Variants in TESC observed in about 807,000 individuals in gnomAD.
TESC encodes the protein tescalcin, also known as calcineurin B homologous protein 3.
A neutral mutation model predicts 31.0 loss-of-function variants in TESC; 19 were observed. The observed-to-expected ratio is 0.61, with a 90% CI of 0.43 to 0.90. TESC has a LOEUF of 0.90. TESC is among the 40% of genes least tolerant of loss of function. The pLI is 0.00. For missense variants in TESC, 248 were observed against 303.8 expected (o/e 0.82, Z 1.36); for synonymous variants, 109 against 114.8 (o/e 0.95, Z 0.32).
At chr12:117,039,778 A>T (rs569527680) in intron 7 of TESC, among the ~76,000 whole-genome samples, 7 of 152,360 alleles carry the variant, frequency 4.6e-5, no homozygotes, top group African/African-American at 1.7e-4. Context: ...ACTCAAGCCC[A>T]AAAAGGTCAT....
chr12:117,066,472 C>T (rs997998264), intron 2 of TESC, among the ~76,000 whole-genome samples: 26 of 151,118 alleles, frequency 1.7e-4, no homozygotes, highest in African/African-American at 2.4e-4. Flanking sequence ...CCCGGGTTCA[C>T]GCCATTCTCC....
intron 2 of TESC, among the ~76,000 whole-genome samples, chr12:117,069,568 G>C (rs149153375): frequency 5.3e-5 from 8 of 152,148 alleles, no homozygotes; most frequent in African/African-American, 1.7e-4. Context: ...ATCAGGTACC[G>C]GGCTGTGTAA....
chr12:117,059,653 C>T (rs1008168225), intron 2 of TESC, among the ~76,000 whole-genome samples: 1 of 152,186 alleles, frequency 6.6e-6, no homozygotes, highest in African/African-American at 2.4e-5. Context: ...GGGCCTGCTC[C>T]ATAGTGGATC....
intron 1 of TESC, among the ~76,000 whole-genome samples, chr12:117,085,973 G>A (rs1455160052): frequency 6.6e-6 from 1 of 152,166 alleles, no homozygotes; most frequent in African/African-American, 2.4e-5. Context: ...GTGATGAGAT[G>A]TTATAAAGCA....
intron 1 of TESC, among the ~76,000 whole-genome samples, chr12:117,080,197 G>A (rs1033420984): frequency 8.5e-5 from 13 of 152,124 alleles, no homozygotes; most frequent in East Asian, 3.9e-4. Context: ...GGCTGGGTGC[G>A]GTGGCTCACA....
chr12:117,056,780 G>C, intron 3 of TESC, 26 bp downstream of exon 3: 1 of 1,611,370 alleles, frequency 6.2e-7, no homozygotes, highest in Non-Finnish European at 8.5e-7. Context: ...GCCTGCCACT[G>C]GGCTGGTTCA....
chr12:117,039,265 A>C, intron 7 of TESC, 55 bp from the exon 8 acceptor site: 3 of 1,547,010 alleles, frequency 1.9e-6, no homozygotes, highest in Non-Finnish European at 2.6e-6. Flanking sequence ...CTCACACCTG[A>C]CCAGGCCCCC....
At chr12:117,078,389 C>A (rs1955101001) in intron 1 of TESC, among the ~76,000 whole-genome samples, 1 of 152,084 alleles carries the variant, frequency 6.6e-6, no homozygotes, top group African/African-American at 2.4e-5. Flanking sequence ...TCGCTTGAGC[C>A]CGGGAGGCGG....
intron 7 of TESC, among the ~76,000 whole-genome samples, chr12:117,040,515 C>T (rs990172911): frequency 1.3e-5 from 2 of 152,116 alleles, no homozygotes; most frequent in Admixed American, 6.5e-5. Flanking sequence ...CCTGAAGCAG[C>T]GATACTTCCT....
At chr12:117,068,070 T>C (rs1954912294) in intron 2 of TESC, among the ~76,000 whole-genome samples, 1 of 152,176 alleles carries the variant, frequency 6.6e-6, no homozygotes, top group Admixed American at 6.5e-5. Context: ...TTTTAAATTT[T>C]TTTTGTAGAG....
intron 2 of TESC, among the ~76,000 whole-genome samples, chr12:117,066,904 T>C (rs1178621983): frequency 6.6e-6 from 1 of 152,148 alleles, no homozygotes; most frequent in Non-Finnish European, 1.5e-5. Flanking sequence ...AGAATCTCTA[T>C]AAAAGTTTTA....
In TESC at chr12:117,039,204, G is replaced by C. The variant is rs1954445505; in HGVS notation, c.574C>G (p.Gln192Glu). Residue 192 changes from glutamine (Q) to glutamate (E), a missense_variant, in exon 8 of 8, where the codon CAG (glutamine) becomes GAG (glutamate). By Grantham distance (29) the Gln-to-Glu change is conservative. Coordinates refer to ENST00000335209, the MANE Select transcript of TESC (RefSeq NM_017899.4). ...ATCTTGGTCTCAATGTCGATCCCCT[G>C]CCAGATCTGGAAGGGACGGAGCAGC... ...ITFEDFLKIWQGIDIETKMHV... is the reference protein window; with the variant it reads ...ITFEDFLKIWEGIDIETKMHV... 6.2e-7 allele frequency: 1 copy of C among 1,613,622 alleles called. No homozygotes were observed. The highest frequency in any genetic ancestry group is 8.5e-7 in the Non-Finnish European group (1 of 1,179,800).
At chr12:117,094,542 G>A (rs981457011) in intron 1 of TESC, among the ~76,000 whole-genome samples, 15 of 152,162 alleles carry the variant, frequency 9.9e-5, no homozygotes, top group Non-Finnish European at 2.1e-4. Context: ...TCCAAGTTTC[G>A]AAGGGGTGGC....
chr12:117,041,013 C>T (rs1050132555), intron 7 of TESC, among the ~76,000 whole-genome samples: 43 of 139,130 alleles, frequency 3.1e-4, no homozygotes, highest in African/African-American at 2.3e-4. Context: ...TGCCCAGGGC[C>T]GAACTGCGGG....
chr12:117,054,349 C>T (rs975902036), intron 3 of TESC, among the ~76,000 whole-genome samples: 4 of 152,032 alleles, frequency 2.6e-5, no homozygotes, highest in African/African-American at 9.7e-5. Flanking sequence ...GTCAGCGTCC[C>T]CCATCTTGGC....
chr12:117,050,160 G>C (rs1306247268), intron 3 of TESC, among the ~76,000 whole-genome samples: 1 of 151,334 alleles, frequency 6.6e-6, no homozygotes, highest in Non-Finnish European at 1.5e-5. Flanking sequence ...AAGTCGAATA[G>C]TATTTCATGA....
chr12:117,040,937 C>A (rs944268970), intron 7 of TESC, among the ~76,000 whole-genome samples: 1 of 146,054 alleles, frequency 6.8e-6, no homozygotes, highest in Non-Finnish European at 1.5e-5. Context: ...CTCTCTTGGT[C>A]TCTTGCTCCC....
intron 1 of TESC, among the ~76,000 whole-genome samples, chr12:117,097,336 T>C (rs7303346): frequency 0.32 from 47,994 of 151,960 alleles, 7,823 homozygotes; most frequent in South Asian, 0.41. Flanking sequence ...GAACACAGCA[T>C]CTGTCATCCC....
intron 2 of TESC, among the ~76,000 whole-genome samples, chr12:117,057,852 A>G (rs917117782): frequency 9.9e-5 from 15 of 152,140 alleles, no homozygotes; most frequent in Admixed American, 7.9e-4. Context: ...TGCAACCACA[A>G]TGGAGTATTT....
Sources: allele counts gnomAD v4.1 joint callset (sites outside exome capture counted in the v4.1 genomes callset), GRCh38; gene constraint gnomAD v4.1.1; transcripts MANE v1.5; gene names NCBI Gene and HGNC (gene_info 2026-07-23, HGNC 2026-07-21).